The following CARS1 variants were observed in gnomAD, a reference collection of about 807,000 sequenced individuals.
CARS1 encodes the protein cysteinyl-tRNA synthetase 1, also known as cysteine--tRNA ligase, cytoplasmic.
In CARS1, 48 loss-of-function variants were observed where a neutral mutation model predicts 106.2. That is an observed-to-expected ratio of 0.45 (90% CI 0.36 to 0.57). The LOEUF is 0.57. CARS1 is among the 20% of genes least tolerant of loss of function. The pLI, the probability that CARS1 is intolerant of heterozygous loss-of-function variation, is 0.00. For missense variants in CARS1, 968 were observed against 1,057.2 expected (o/e 0.92, Z 1.17); for synonymous variants, 409 against 403.4 (o/e 1.01, Z -0.17).
chr11:3,057,387 G>C lies in CARS1; in HGVS notation c.-20C>G, dbSNP rs758965813. On this transcript the variant is annotated 5_prime_UTR_variant, in exon 1 of 23. Coordinates refer to ENST00000380525, the MANE Select transcript of CARS1 (RefSeq NM_001014437.3). ...TGCCATGGCTGGGAATCCCGGACCC[G>C]CAGCTGCGGCTACAGACACTTCCTA... is the stretch of plus-strand genomic sequence containing the variant. The C allele has an allele frequency of 6.2e-7, 1 of 1,607,362 alleles. No individual in the cohort carries two copies. The highest frequency in any genetic ancestry group is 8.5e-7 in the Non-Finnish European group (1 of 1,176,906).
In CARS1 at chr11:3,017,808, A is replaced by G; in HGVS notation, c.1727+49T>C. On this transcript the variant is annotated intron_variant, in intron 15 of 22. Coordinates refer to ENST00000380525, the MANE Select transcript of CARS1 (RefSeq NM_001014437.3). The surrounding 1 kb of genome is among the most constrained non-coding windows in gnomAD (Gnocchi z 4.9). The stretch of plus-strand genomic sequence containing the variant: ...TGGTGGCCAAGATGCGAGGCTAGGC[A>G]TAGAACATGGGCATGCTCAAAAACC... The G allele has an allele frequency of 3.1e-6, 4 of 1,280,054 alleles. No individual in the cohort carries two copies. Among genetic ancestry groups the G allele is most frequent in the Non-Finnish European group, 3.4e-6 (3 of 877,086 alleles). The allele number at this position is 1,280,054 out of a possible 1,614,324, so 79.3% of individuals were successfully genotyped here.
chr11:3,046,703 C>G lies in CARS1; in HGVS notation c.274+1050G>C, dbSNP rs1020730774. The stretch of plus-strand genomic sequence containing the variant: ...CCCCCAGAAGGCTGCCAGCTACAGC[C>G]AGGACCACCAGAAAACAGCACTAAA... On this transcript the variant is annotated intron_variant, in intron 2 of 22. Coordinates refer to ENST00000380525, the MANE Select transcript of CARS1 (RefSeq NM_001014437.3). The surrounding 1 kb of genome is among the most constrained non-coding windows in gnomAD (Gnocchi z 5.8). 6.6e-6 allele frequency among the ~76,000 whole-genome samples: 1 copy of G among 152,142 alleles called. No individual in the cohort carries two copies. Among genetic ancestry groups the G allele is most frequent in the African/African-American group, 2.4e-5 (1 of 41,438 alleles).
rs999461877 is a variant in CARS1, at chr11:3,019,882, G to A, written c.1266+338C>T. 4.6e-5 allele frequency among the ~76,000 whole-genome samples: 7 copies of A among 152,108 alleles called. No individual in the cohort carries two copies. The highest frequency in any genetic ancestry group is 8.8e-5 in the Non-Finnish European group (6 of 68,000). ...CCTGCAGTCAACAACTCCTGTCACC[G>A]GGAAGATCAGAACGCATCCTACACC... On this transcript the variant is annotated intron_variant, in intron 11 of 22. Coordinates refer to ENST00000380525, the MANE Select transcript of CARS1 (RefSeq NM_001014437.3). This position sits in a 1 kb window ranked among gnomAD's most constrained non-coding sequence, Gnocchi z 6.2.
intron 1 of CARS1, among the ~76,000 whole-genome samples, chr11:3,056,639 T>C (rs1007541693): frequency 6.6e-6 from 1 of 152,198 alleles, no homozygotes; most frequent in Non-Finnish European, 1.5e-5. Flanking sequence ...TGTGTACGCG[T>C]ACCCCTGGCG....
rs1299622201 is a variant in CARS1 at position 3,005,390 on chromosome 11, T to G, written c.2193A>C (p.Leu731Phe). ...CCCGTCTCTTTTCTTCTCTCTCTTT[T>G]AATAAGGTGTTTCTGTCTACCAGTT... Reference protein sequence around the residue: ...VVKLVDRNTLLKEREEKRRVE... With the variant: ...VVKLVDRNTLFKEREEKRRVE... The change falls in exon 20 of 23, where the codon TTA becomes TTC. Residue 731 changes from leucine (L) to phenylalanine (F), a missense_variant. Transcript: ENST00000380525. 6.2e-7 allele frequency: 1 copy of G among 1,613,532 alleles called. No individual in the cohort carries two copies. The highest frequency in any genetic ancestry group is 8.5e-7 in the Non-Finnish European group (1 of 1,179,592).
rs1023234179 is a variant in CARS1, at chr11:3,040,201, T to C, written c.456-270A>G. The C allele has an allele frequency of 2.0e-5, 8 of 403,182 alleles. No individual in the cohort carries two copies. The highest frequency in any genetic ancestry group is 3.1e-5 in the Non-Finnish European group (7 of 225,264). 25.0% of individuals were successfully genotyped at this position (403,182 alleles called of 1,614,324 possible). A position where few individuals can be genotyped will look rare whatever the true frequency, so the allele number is the denominator to read the frequency against. On this transcript the variant is annotated intron_variant, in intron 4 of 22. Coordinates refer to ENST00000380525, the MANE Select transcript of CARS1 (RefSeq NM_001014437.3). The surrounding 1 kb of genome is among the most constrained non-coding windows in gnomAD (Gnocchi z 5.8). ...TTCATAATATTTTCTTTTCTCTGGC[T>C]TCCTTTATCATTAGGAATACAGTAT...
At chr11:3,035,046 T>G (rs976723129) in intron 7 of CARS1, among the ~76,000 whole-genome samples, 1 of 152,034 alleles carries the variant, frequency 6.6e-6, no homozygotes, top group Non-Finnish European at 1.5e-5. Flanking sequence ...CTACCCCACT[T>G]CTGTGATAAC....
chr11:3,011,527 T>A (rs1850458563), intron 18 of CARS1, among the ~76,000 whole-genome samples: 1 of 151,960 alleles, frequency 6.6e-6, no homozygotes, highest in Non-Finnish European at 1.5e-5. Flanking sequence ...GGCAGAAGAA[T>A]GGCGTGAACC....
At position 3,040,075 on chromosome 11, in the gene CARS1, C is replaced by T. The variant is rs1854233499; in HGVS notation, c.456-144G>A. On this transcript the variant is annotated intron_variant, in intron 4 of 22. Coordinates refer to ENST00000380525, the MANE Select transcript of CARS1 (RefSeq NM_001014437.3). The surrounding 1 kb of genome is among the most constrained non-coding windows in gnomAD (Gnocchi z 5.8). ...AACAGCAAGACCCCCCCTTCTCCTC[C>T]TCAGTCTACTCAACGTGAAGATGGC... The T allele has an allele frequency of 3.6e-6, 2 of 554,504 alleles. No homozygotes were observed. The highest frequency in any genetic ancestry group is 3.1e-6 in the Non-Finnish European group (1 of 317,622). The allele number at this position is 554,504 out of a possible 1,614,324, so 34.3% of individuals were successfully genotyped here.
At chr11:3,013,248 G>A (rs1348817768) in intron 17 of CARS1, among the ~76,000 whole-genome samples, 3 of 151,510 alleles carry the variant, frequency 2.0e-5, no homozygotes, top group Non-Finnish European at 4.4e-5. Context: ...CACCTTCCAG[G>A]TTCAAGCGAT....
chr11:3,050,713 T>G lies in CARS1; in HGVS notation c.26-2712A>C, dbSNP rs567716953. 4.6e-4 allele frequency among the ~76,000 whole-genome samples: 70 copies of G among 152,276 alleles called. No individual in the cohort carries two copies. Among genetic ancestry groups the G allele is most frequent in the African/African-American group, 1.6e-3 (67 of 41,560 alleles). ...ACATGGCCCCTCCACCTGCTGCTCT[T>G]TTTTTAGGGGGCATGCTCCCCAGAT... On this transcript the variant is annotated intron_variant, in intron 1 of 22. Coordinates refer to ENST00000380525, the MANE Select transcript of CARS1 (RefSeq NM_001014437.3). This position sits in a 1 kb window ranked among gnomAD's most constrained non-coding sequence, Gnocchi z 6.3.
chr11:3,005,618 T>TTG (rs1200834809), intron 19 of CARS1, among the ~76,000 whole-genome samples, 185 bp from the exon 20 acceptor site: 1 of 148,084 alleles, frequency 6.8e-6, no homozygotes, highest in African/African-American at 2.5e-5. Context: ...ACATTTTGGT[T>TTG]TGTGTGTGTG....
In CARS1 at chr11:3,030,813, T is replaced by C. The variant is rs377128402; in HGVS notation, c.802-1370A>G. The stretch of plus-strand genomic sequence containing the variant: ...AAAGCGGCCCAGCTGGATCTGAAAA[T>C]AGAAGCAAACGGAACCTGCAGAGAT... On this transcript the variant is annotated intron_variant, in intron 7 of 22. Coordinates refer to ENST00000380525, the MANE Select transcript of CARS1 (RefSeq NM_001014437.3). The surrounding 1 kb of genome is among the most constrained non-coding windows in gnomAD (Gnocchi z 5.7). The C allele has an allele frequency of 6.6e-6, 1 of 152,054 alleles. No individual in the cohort carries two copies. The highest frequency in any genetic ancestry group is 1.5e-5 in the Non-Finnish European group (1 of 68,026). 9.4% of individuals were successfully genotyped at this position (152,054 alleles called of 1,614,324 possible). A position where few individuals can be genotyped will look rare whatever the true frequency, so the allele number is the denominator to read the frequency against.
Position 3,022,987 on chromosome 11 carries a change from A to T in CARS1, c.1154-2655T>A, listed in dbSNP as rs1446977540. 6.6e-6 allele frequency among the ~76,000 whole-genome samples: 1 copy of T among 152,114 alleles called. No homozygotes were observed. The highest frequency in any genetic ancestry group is 1.5e-5 in the Non-Finnish European group (1 of 68,028). ...GCCCACGTCTGATCACTGACTGTGG[A>T]GGGGTGGAAATCCATGTCCCTCTTT... On this transcript the variant is annotated intron_variant, in intron 10 of 22. Transcript: ENST00000380525. The surrounding 1 kb of genome is among the most constrained non-coding windows in gnomAD (Gnocchi z 4.9).
intron 19 of CARS1, 131 bp downstream of exon 19, chr11:3,006,748 T>C (rs1849905936): frequency 5.0e-6 from 4 of 797,068 alleles, no homozygotes; most frequent in Admixed American, 3.7e-5. Context: ...GGGGGACCCA[T>C]GGGGCTGCCA....
chr11:3,024,344 T>C (rs1041513954), intron 10 of CARS1, among the ~76,000 whole-genome samples: 2 of 152,248 alleles, frequency 1.3e-5, no homozygotes, highest in Non-Finnish European at 2.9e-5. Context: ...GTGGTTTTCT[T>C]TCCTAGGAGT....
chr11:3,017,978 A>G lies in CARS1; in HGVS notation c.1630-24T>C. ...TCCTGAAGTTAGAAAAATCAGTTTA[A>G]CAGCATTTAGGCAACTTTTCCATCC... is the stretch of plus-strand genomic sequence containing the variant. On this transcript the variant is annotated intron_variant, in intron 14 of 22. Transcript: ENST00000380525. The surrounding 1 kb of genome is among the most constrained non-coding windows in gnomAD (Gnocchi z 4.9). 2 of 1,538,374 alleles carry G rather than the reference A, an allele frequency of 1.3e-6. No homozygotes were observed. The highest frequency in any genetic ancestry group is 1.8e-6 in the Non-Finnish European group (2 of 1,113,498).
chr11:3,043,539 G>T lies in CARS1; in HGVS notation c.275-1283C>A, dbSNP rs183563354. Among the ~76,000 whole-genome samples the T allele has an allele frequency of 2.0e-5, 3 of 151,124 alleles. No homozygotes were observed. The highest frequency in any genetic ancestry group is 4.4e-5 in the Non-Finnish European group (3 of 67,836). On this transcript the variant is annotated intron_variant, in intron 2 of 22. Transcript: ENST00000380525. This position sits in a 1 kb window ranked among gnomAD's most constrained non-coding sequence, Gnocchi z 4.0. Reference sequence around the variant, plus strand: ...GCTGAGTGGCACCAGGAAGGCCTACGAGATGGATACTCCTAGCACTGACCT... The same window carrying T: ...GCTGAGTGGCACCAGGAAGGCCTACTAGATGGATACTCCTAGCACTGACCT...
In CARS1 at chr11:3,021,839, A is replaced by T. The variant is rs539246392; in HGVS notation, c.1154-1507T>A. Reference sequence around the variant, plus strand: ...CTGCCACTGACAATTCCGCAAAAGCACAATGTGATATGGCCCATGACATTC... The same window carrying T: ...CTGCCACTGACAATTCCGCAAAAGCTCAATGTGATATGGCCCATGACATTC... On this transcript the variant is annotated intron_variant, in intron 10 of 22. Coordinates refer to ENST00000380525, the MANE Select transcript of CARS1 (RefSeq NM_001014437.3). The surrounding 1 kb of genome is among the most constrained non-coding windows in gnomAD (Gnocchi z 5.3). Among the ~76,000 whole-genome samples, 7 of 152,376 alleles carry T rather than the reference A, an allele frequency of 4.6e-5. No individual in the cohort carries two copies. The highest frequency in any genetic ancestry group is 2.0e-4 in the Admixed American group (3 of 15,310).
Sources: allele counts gnomAD v4.1 joint callset (sites outside exome capture counted in the v4.1 genomes callset), GRCh38; gene constraint gnomAD v4.1.1; non-coding constraint Gnocchi (gnomAD v3.1); transcripts MANE v1.5; gene names NCBI Gene and HGNC (gene_info 2026-07-23, HGNC 2026-07-21).